Variants in GRM1 observed in about 807,000 individuals in gnomAD.
The protein encoded by GRM1 is metabotropic glutamate receptor 1.
In GRM1, 33 loss-of-function variants were observed where a neutral mutation model predicts 90.9. The observed-to-expected ratio is 0.36, with a 90% CI of 0.28 to 0.49. The LOEUF is 0.49. Ranked by LOEUF, GRM1 falls within the 20% of genes least tolerant of loss-of-function variation. The pLI is 0.99. For missense variants in GRM1, 1,190 were observed against 1,534.3 expected (o/e 0.78, Z 3.75); for synonymous variants, 700 against 613.2 (o/e 1.14, Z -2.09).
In GRM1 at chr6:146,399,778, TC is replaced by T; in HGVS notation, c.2660+80del. ...CTCTCTCTCTCTCTCTCTCTCTTTC[TC>T]TGTCTCTCATATCTTCCTCTAGTTT... On this transcript the variant is annotated intron_variant, in intron 7 of 7. Transcript: ENST00000282753. The surrounding 1 kb of genome is among the most constrained non-coding windows in gnomAD (Gnocchi z 5.4). 1.0e-6 allele frequency: 1 copy of T among 959,180 alleles called. No homozygotes were observed. Among genetic ancestry groups the T allele is most frequent in the South Asian group, 1.4e-5 (1 of 72,462 alleles). 59.4% of individuals were successfully genotyped at this position (959,180 alleles called of 1,614,324 possible). A position where few individuals can be genotyped will look rare whatever the true frequency, so the allele number is the denominator to read the frequency against.
chr6:146,390,831 G>A (rs1477442941), intron 6 of GRM1, among the ~76,000 whole-genome samples: 1 of 152,016 alleles, frequency 6.6e-6, no homozygotes, highest in Admixed American at 6.6e-5. Context: ...CCAACTATAA[G>A]TCCTACAATA....
chr6:146,130,291 G>A (rs975547624), intron 1 of GRM1, among the ~76,000 whole-genome samples: 1 of 87,274 alleles, frequency 1.1e-5, no homozygotes, highest in African/African-American at 4.4e-5. Flanking sequence ...GTAAGAAAAA[G>A]ACAAATAATT....
chr6:146,240,303 C>T (rs1672475185), intron 2 of GRM1, among the ~76,000 whole-genome samples: 2 of 151,994 alleles, frequency 1.3e-5, no homozygotes, highest in East Asian at 1.9e-4. Flanking sequence ...TGAGGCATCA[C>T]CCAAAAGGGT....
At chr6:146,217,018 T>C (rs1196827845) in intron 2 of GRM1, among the ~76,000 whole-genome samples, 1 of 152,150 alleles carries the variant, frequency 6.6e-6, no homozygotes, top group African/African-American at 2.4e-5. Flanking sequence ...AGTAACTCCA[T>C]TAATAGACAT....
chr6:146,245,318 T>G (rs1781017638), intron 2 of GRM1, among the ~76,000 whole-genome samples: 1 of 152,180 alleles, frequency 6.6e-6, no homozygotes, highest in Admixed American at 6.6e-5. Flanking sequence ...CTTTTCTTCC[T>G]GAACTGTTCA....
At chr6:146,410,506 A>G (rs78869772) in intron 7 of GRM1, among the ~76,000 whole-genome samples, 1,938 of 152,284 alleles carry the variant, frequency 0.013, 47 homozygotes, top group African/African-American at 0.045. Flanking sequence ...GTAGGGGAGT[A>G]GAGGAATACC....
At chr6:146,123,437 G>T (rs1167924675) in intron 1 of GRM1, among the ~76,000 whole-genome samples, 1 of 152,142 alleles carries the variant, frequency 6.6e-6, no homozygotes, top group Non-Finnish European at 1.5e-5. Flanking sequence ...TGGATGCAGG[G>T]GCTGCCTCTT....
chr6:146,200,078 G>A (rs1779252857), intron 2 of GRM1, among the ~76,000 whole-genome samples: 1 of 152,262 alleles, frequency 6.6e-6, no homozygotes, highest in South Asian at 2.1e-4. Flanking sequence ...CTTTATCTAT[G>A]TTTCAGGGTT....
At chr6:146,244,621 G>A (rs918798988) in intron 2 of GRM1, among the ~76,000 whole-genome samples, 1 of 152,162 alleles carries the variant, frequency 6.6e-6, no homozygotes, top group Non-Finnish European at 1.5e-5. Flanking sequence ...GCAGGGTTTT[G>A]GGGTAGCCTA....
At chr6:146,044,870 G>A (rs1791266644) in intron 1 of GRM1, among the ~76,000 whole-genome samples, 1 of 151,836 alleles carries the variant, frequency 6.6e-6, no homozygotes, top group South Asian at 2.1e-4. Flanking sequence ...GGCTCTCCTT[G>A]GTACAGAGGA....
intron 1 of GRM1, among the ~76,000 whole-genome samples, chr6:146,061,727 C>T (rs1482228627): frequency 3.3e-5 from 5 of 151,962 alleles, no homozygotes; most frequent in Admixed American, 1.3e-4. Context: ...AGCTCATCAT[C>T]ACTATGATGA....
At chr6:146,324,708 A>G (rs950821608) in intron 3 of GRM1, among the ~76,000 whole-genome samples, 20 of 152,074 alleles carry the variant, frequency 1.3e-4, no homozygotes, top group Non-Finnish European at 2.9e-4. Flanking sequence ...CTTCCCAGGT[A>G]AGGCAATGCC....
At chr6:146,417,272 A>G (rs1432938852) in intron 7 of GRM1, among the ~76,000 whole-genome samples, 2 of 152,132 alleles carry the variant, frequency 1.3e-5, no homozygotes, top group Admixed American at 1.3e-4. Flanking sequence ...AATATCTTCC[A>G]GTGGTTTAAA....
At chr6:146,304,407 C>T (rs764018591) in intron 2 of GRM1, among the ~76,000 whole-genome samples, 5 of 152,088 alleles carry the variant, frequency 3.3e-5, no homozygotes, top group Non-Finnish European at 7.4e-5. Flanking sequence ...ATCACTTTCA[C>T]AATTGTGAAA....
At chr6:146,128,614 A>C (rs1054051540) in intron 1 of GRM1, among the ~76,000 whole-genome samples, 1 of 152,178 alleles carries the variant, frequency 6.6e-6, no homozygotes, top group South Asian at 2.1e-4. Flanking sequence ...GTGAATTCTA[A>C]ATTTGCTATC....
intron 5 of GRM1, among the ~76,000 whole-genome samples, chr6:146,364,261 G>T (rs1463121787): frequency 2.0e-5 from 3 of 152,174 alleles, no homozygotes; most frequent in African/African-American, 7.2e-5. Flanking sequence ...CTCCTCCAGT[G>T]CATGTGCTTC....
At chr6:146,367,681 T>C (rs140375173) in intron 5 of GRM1, among the ~76,000 whole-genome samples, 9 of 152,306 alleles carry the variant, frequency 5.9e-5, no homozygotes, top group African/African-American at 1.7e-4. Flanking sequence ...AAGTTTTCTA[T>C]TCCTGAATTA....
At chr6:146,193,935 A>T (rs1375930932) in intron 2 of GRM1, among the ~76,000 whole-genome samples, 1 of 149,958 alleles carries the variant, frequency 6.7e-6, no homozygotes, top group Non-Finnish European at 1.5e-5. Flanking sequence ...CTTCATTTTT[A>T]TGAAATACTG....
At chr6:146,310,525 A>G (rs1448002377) in intron 3 of GRM1, among the ~76,000 whole-genome samples, 1 of 152,220 alleles carries the variant, frequency 6.6e-6, no homozygotes, top group South Asian at 2.1e-4. Context: ...GGAAGACATT[A>G]CATTTCTTCA....
Sources: allele counts gnomAD v4.1 joint callset (sites outside exome capture counted in the v4.1 genomes callset), GRCh38; gene constraint gnomAD v4.1.1; non-coding constraint Gnocchi (gnomAD v3.1); transcripts MANE v1.5; gene names NCBI Gene and HGNC (gene_info 2026-07-23, HGNC 2026-07-21).